TRAF3IP2: variants seen among roughly 807,000 people sequenced by gnomAD.
TRAF3IP2 encodes E3 ubiquitin ligase TRAF3IP2.
Under a neutral mutation model 57.9 loss-of-function variants are expected in TRAF3IP2, and 35 were observed. That is an observed-to-expected ratio of 0.60 (90% CI 0.46 to 0.80). The LOEUF (loss-of-function observed/expected upper bound fraction) is 0.80. Among genes scored for constraint, TRAF3IP2 ranks in the 30% least tolerant of loss-of-function variants. The probability of loss-of-function intolerance (pLI) is 0.00; values close to 1 mark genes in which losing one functional copy is unlikely to be tolerated. For synonymous variants in TRAF3IP2, 251 were observed against 268.9 expected (o/e 0.93, Z 0.65); for missense variants, 556 against 706.4 (o/e 0.79, Z 2.41).
At chr6:111,580,527 T>C in intron 2 of TRAF3IP2, 138 bp from the exon 3 acceptor site, 1 of 633,922 alleles carries the variant, frequency 1.6e-6, no homozygotes, top group Non-Finnish European at 2.4e-6. Flanking sequence ...TCTGTGATGT[T>C]TGCCGTATTT....
chr6:111,582,158 G>A (rs1349352795), intron 2 of TRAF3IP2, among the ~76,000 whole-genome samples: 2 of 152,172 alleles, frequency 1.3e-5, no homozygotes, highest in Non-Finnish European at 2.9e-5. Flanking sequence ...AACTGTTTGG[G>A]TGACCTGGCG....
intron 8 of TRAF3IP2, 100 bp from the exon 9 acceptor site, chr6:111,559,651 G>T: frequency 7.3e-7 from 1 of 1,374,832 alleles, no homozygotes; most frequent in Non-Finnish European, 9.9e-7. Context: ...TCCCTACATG[G>T]GCGTTTCCTA....
In TRAF3IP2 at chr6:111,557,222, G is replaced by A. The variant is rs541494817; in HGVS notation, c.*2183C>T. ...AGATAAAGAAGGGAAGCAGTAGCTTGCAGCCCCAAAAAGTCTTCATTGTCT... is the reference window on the plus strand; with the variant it reads ...AGATAAAGAAGGGAAGCAGTAGCTTACAGCCCCAAAAAGTCTTCATTGTCT... On this transcript the variant is annotated 3_prime_UTR_variant, in exon 9 of 9. Coordinates refer to ENST00000368761, the MANE Select transcript of TRAF3IP2 (RefSeq NM_147686.4). The A allele has an allele frequency of 9.9e-5, 15 of 152,164 alleles. No homozygotes were observed. Among genetic ancestry groups the A allele is most frequent in the Admixed American group, 9.8e-4 (15 of 15,294 alleles). The allele number at this position is 152,164 out of a possible 1,614,324, so 9.4% of individuals were successfully genotyped here.
chr6:111,591,631 A>G lies in TRAF3IP2; in HGVS notation c.456T>C (p.Thr152=). ...VSQLSAASPD[T]GHDSDKSDQS... The stretch of plus-strand genomic sequence containing the variant: ...GGTCTGATTTGTCTGAGTCATGGCC[A>G]GTGTCAGGAGAAGCCGCTGAAAGCT... The change falls in exon 2 of 9, where the codon ACT becomes ACC. Residue 152 remains threonine, a synonymous_variant. Transcript: ENST00000368761. The surrounding 1 kb of genome is among the most constrained non-coding windows in gnomAD (Gnocchi z 4.9). 5 of 1,614,250 alleles carry G rather than the reference A, an allele frequency of 3.1e-6. No homozygotes were observed. Among genetic ancestry groups the G allele is most frequent in the Non-Finnish European group, 4.2e-6 (5 of 1,180,038 alleles).
At chr6:111,575,249 TA>T (rs758676522) in intron 4 of TRAF3IP2, among the ~76,000 whole-genome samples, 90 of 151,526 alleles carry the variant, frequency 5.9e-4, no homozygotes, top group Middle Eastern at 3.5e-3. Context: ...TCTTCGAGAT[TA>T]GGGACGAGTG....
chr6:111,576,073 A>C (rs1795977391), intron 3 of TRAF3IP2, among the ~76,000 whole-genome samples: 1 of 152,188 alleles, frequency 6.6e-6, no homozygotes, highest in Non-Finnish European at 1.5e-5. Context: ...TCTATTCAAG[A>C]TTTGTTTAAT....
intron 8 of TRAF3IP2, among the ~76,000 whole-genome samples, chr6:111,562,661 T>G (rs903659693): frequency 6.6e-6 from 1 of 151,988 alleles, no homozygotes; most frequent in Non-Finnish European, 1.5e-5. Context: ...CTGGCCAACA[T>G]GGTGAAACCC....
rs560664909 is a variant in TRAF3IP2 at position 111,587,555 on chromosome 6, G to A, written c.829+3703C>T. Among the ~76,000 whole-genome samples the A allele has an allele frequency of 9.9e-5, 15 of 152,058 alleles. No homozygotes were observed. In the South Asian group the frequency reaches 2.1e-3, roughly 21 times the overall value. ...CAGGTGTGAGCCACTGCACCCGGCC[G>A]TTTGCTATTTTTAAAAATCAACAAA... On this transcript the variant is annotated intron_variant, in intron 2 of 8. Transcript: ENST00000368761.
At chr6:111,566,412 C>T in intron 7 of TRAF3IP2, 32 bp downstream of exon 7, 1 of 1,514,982 alleles carries the variant, frequency 6.6e-7, no homozygotes. Flanking sequence ...CCCCAGGGGA[C>T]AGTGAGGTGT....
intron 2 of TRAF3IP2, among the ~76,000 whole-genome samples, chr6:111,581,984 A>C (rs1796179468): frequency 6.6e-6 from 1 of 152,054 alleles, no homozygotes; most frequent in East Asian, 1.9e-4. Flanking sequence ...TCTCAAAAAC[A>C]AAAAAAAGAA....
At chr6:111,563,698 C>T (rs1316721669) in intron 7 of TRAF3IP2, among the ~76,000 whole-genome samples, 1 of 152,186 alleles carries the variant, frequency 6.6e-6, no homozygotes, top group Admixed American at 6.5e-5. Flanking sequence ...ACAGCATGAG[C>T]AAATGTCTGG....
At position 111,558,076 on chromosome 6, in the gene TRAF3IP2, TGA is replaced by T. The variant is rs1306067949; in HGVS notation, c.*1327_*1328del. The T allele has an allele frequency of 5.3e-5, 8 of 152,166 alleles. No homozygotes were observed. Among genetic ancestry groups the T allele is most frequent in the Admixed American group, 5.2e-4 (8 of 15,278 alleles). The allele number at this position is 152,166 out of a possible 1,614,324, so 9.4% of individuals were successfully genotyped here. ...GTTAAGAAAATGTAAATTTGTCCTC[TGA>T]GAGACATAATTATGAAAATGAAAAC... is the stretch of plus-strand genomic sequence containing the variant. On this transcript the variant is annotated 3_prime_UTR_variant, in exon 9 of 9. Coordinates refer to ENST00000368761, the MANE Select transcript of TRAF3IP2 (RefSeq NM_147686.4).
chr6:111,591,129 G>C lies in TRAF3IP2; in HGVS notation c.829+129C>G. The C allele has an allele frequency of 1.5e-6, 1 of 652,278 alleles. No individual in the cohort carries two copies. The highest frequency in any genetic ancestry group is 3.1e-5 in the Admixed American group (1 of 32,460). The allele number at this position is 652,278 out of a possible 1,614,324, so 40.4% of individuals were successfully genotyped here. On this transcript the variant is annotated intron_variant, in intron 2 of 8. Transcript: ENST00000368761. This position sits in a 1 kb window ranked among gnomAD's most constrained non-coding sequence, Gnocchi z 4.9. The stretch of plus-strand genomic sequence containing the variant: ...CCAGCCACACATGGAAAGCCCCTAA[G>C]AGAAGCAGAATGCCCTCCCTGCATT...
chr6:111,566,989 G>A lies in TRAF3IP2; in HGVS notation c.1360-429C>T, dbSNP rs141421313. The stretch of plus-strand genomic sequence containing the variant: ...CGTGTACACATTAGCACAGTCAGTA[G>A]GAACAGACCCTTCAGCACAAAGCAA... On this transcript the variant is annotated intron_variant, in intron 6 of 8. Transcript: ENST00000368761. 630 of 242,040 alleles carry A rather than the reference G, an allele frequency of 2.6e-3. 1 individual carries two copies. Among genetic ancestry groups the A allele is most frequent in the Non-Finnish European group, 3.9e-3 (498 of 127,214 alleles). 15.0% of individuals were successfully genotyped at this position (242,040 alleles called of 1,614,324 possible).
chr6:111,597,380 C>T (rs1032870734), intron 1 of TRAF3IP2, among the ~76,000 whole-genome samples: 1 of 152,294 alleles, frequency 6.6e-6, no homozygotes, highest in African/African-American at 2.4e-5. Context: ...AGAGCTCCAC[C>T]TAGAACTGAA....
At chr6:111,594,526 G>C (rs1218863106) in intron 1 of TRAF3IP2, 1 of 452,080 alleles carries the variant, frequency 2.2e-6, no homozygotes, top group Non-Finnish European at 4.4e-6. Context: ...GAGCCATCTG[G>C]GGGCTTGGAG....
At chr6:111,579,316 C>CAAAAAAAAAA (rs529040872) in intron 3 of TRAF3IP2, among the ~76,000 whole-genome samples, 1 of 69,830 alleles carries the variant, frequency 1.4e-5, no homozygotes, top group Non-Finnish European at 2.5e-5. Flanking sequence ...GGCTCCATCT[C>CAAAAAAAAAA]AAAAAAAAAA....
chr6:111,585,049 C>T (rs950318786), intron 2 of TRAF3IP2, among the ~76,000 whole-genome samples: 19 of 152,314 alleles, frequency 1.2e-4, no homozygotes, highest in African/African-American at 2.9e-4. Flanking sequence ...CTCCTTGCTT[C>T]CTTGACCTTC....
chr6:111,603,587 T>G (rs1416664026), intron 1 of TRAF3IP2, among the ~76,000 whole-genome samples: 1 of 152,248 alleles, frequency 6.6e-6, no homozygotes, highest in Non-Finnish European at 1.5e-5. Flanking sequence ...AAAGATTTCA[T>G]TTAGACAAAC....
Sources: allele counts gnomAD v4.1 joint callset (sites outside exome capture counted in the v4.1 genomes callset), GRCh38; gene constraint gnomAD v4.1.1; non-coding constraint Gnocchi (gnomAD v3.1); transcripts MANE v1.5; gene names NCBI Gene and HGNC (gene_info 2026-07-23, HGNC 2026-07-21).